The following STAB2 variants were observed in gnomAD, a reference collection of about 807,000 sequenced individuals.
STAB2 encodes the protein stabilin-2.
Under a neutral mutation model 338.1 loss-of-function variants are expected in STAB2, and 288 were observed. The ratio of observed to expected loss-of-function variants is 0.85; its 90% CI spans 0.77 to 0.94. The LOEUF is 0.94. Among genes scored for constraint, STAB2 ranks in the 40% least tolerant of loss-of-function variants. STAB2 has a pLI of 0.00. For missense variants in STAB2, 3,141 were observed against 3,210.1 expected (o/e 0.98, Z 0.52); for synonymous variants, 1,202 against 1,193.3 (o/e 1.01, Z -0.15).
intron 2 of STAB2, among the ~76,000 whole-genome samples, chr12:103,593,054 A>G (rs1389478139): frequency 6.6e-6 from 1 of 152,068 alleles, no homozygotes; most frequent in African/African-American, 2.4e-5. Context: ...CATTTTCTTT[A>G]TCCATTCATC....
At chr12:103,620,836 G>A (rs150133421) in intron 4 of STAB2, among the ~76,000 whole-genome samples, 6 of 152,294 alleles carry the variant, frequency 3.9e-5, no homozygotes, top group African/African-American at 9.6e-5. Flanking sequence ...AGTGGCTTAC[G>A]CCTGGAATCC....
chr12:103,636,567 GT>G (rs1344023569), intron 6 of STAB2, among the ~76,000 whole-genome samples: 1 of 152,076 alleles, frequency 6.6e-6, no homozygotes, highest in Admixed American at 6.6e-5. Flanking sequence ...GGGAATTGAG[GT>G]TTGGAAAAAC....
chr12:103,766,046 G>T, intron 68 of STAB2: 1 of 660,076 alleles, frequency 1.5e-6, no homozygotes, highest in Non-Finnish European at 2.8e-6. Flanking sequence ...AACTGCAGCC[G>T]AGTTGGGATG....
In STAB2 at chr12:103,590,931, T is replaced by G. The variant is rs1021384431; in HGVS notation, c.116T>G (p.Ile39Ser). Residue 39 changes from isoleucine to serine, a missense_variant, in exon 2 of 69, where the codon ATT (isoleucine) becomes AGT (serine). Ile to Ser is a moderately radical substitution (Grantham distance 142). Transcript: ENST00000388887. ...RRCDRKSLLT[I>S]RTECRSCALN... ...TGTGATAGGAAGTCTCTTCTTACAATTAGGACCGAGTGCCGATCCTGCGCT... is the reference window on the plus strand; with the variant it reads ...TGTGATAGGAAGTCTCTTCTTACAAGTAGGACCGAGTGCCGATCCTGCGCT... 2 of 1,614,012 alleles carry G rather than the reference T, an allele frequency of 1.2e-6. No individual in the cohort carries two copies. Among genetic ancestry groups the G allele is most frequent in the African/African-American group, 2.7e-5 (2 of 74,906 alleles).
At chr12:103,749,872 AGCTGGTAAGATGTGGCAGG>A (rs1883467809) in intron 59 of STAB2, among the ~76,000 whole-genome samples, 1 of 131,480 alleles carries the variant, frequency 7.6e-6, no homozygotes, top group African/African-American at 2.9e-5. Context: ...AAAAAAAAAA[AGCTGGTAAGATGTGGCAGG>A]AAAAGTGCCG....
At position 103,745,349 on chromosome 12, in the gene STAB2, G is replaced by C. The variant is rs540139272; in HGVS notation, c.6136+72G>C. On this transcript the variant is annotated intron_variant, in intron 57 of 68. Transcript: ENST00000388887. Reference sequence around the variant, plus strand: ...GACACTGCCAAGAGCATACAAGTGAGGTTGGGAGTCTGAGTGACATCTGAA... The same window carrying C: ...GACACTGCCAAGAGCATACAAGTGACGTTGGGAGTCTGAGTGACATCTGAA... 4 of 1,381,086 alleles carry C rather than the reference G, an allele frequency of 2.9e-6. No individual in the cohort carries two copies. In the African/African-American group the frequency reaches 4.3e-5, roughly 15 times the overall value. 85.6% of individuals were successfully genotyped at this position (1,381,086 alleles called of 1,614,324 possible).
chr12:103,740,826 G>T, intron 55 of STAB2, 70 bp downstream of exon 55: 1 of 1,488,128 alleles, frequency 6.7e-7, no homozygotes. Flanking sequence ...TCCAGTCTTT[G>T]AATGTACCAA....
intron 68 of STAB2, chr12:103,763,859 C>A: frequency 2.8e-6 from 1 of 357,354 alleles, no homozygotes; most frequent in South Asian, 7.8e-5. Flanking sequence ...AGGTTGTTAT[C>A]CAAGCCCAAT....
chr12:103,718,527 T>C (rs1006032881), intron 44 of STAB2, among the ~76,000 whole-genome samples: 3 of 152,184 alleles, frequency 2.0e-5, no homozygotes, highest in Non-Finnish European at 4.4e-5. Context: ...GGAATTGGGA[T>C]GTAGGGTGGA....
rs1407314440 is a variant in STAB2 at position 103,594,313 on chromosome 12, A to G, written c.216-82A>G. On this transcript the variant is annotated intron_variant, in intron 2 of 68. Coordinates refer to ENST00000388887, the MANE Select transcript of STAB2 (RefSeq NM_017564.10). Reference sequence around the variant, plus strand: ...ACTGTAGATAAATATTAAGACCTAAATTGAAAGCTAAGGCAATTCTACCAC... The same window carrying G: ...ACTGTAGATAAATATTAAGACCTAAGTTGAAAGCTAAGGCAATTCTACCAC... 3.8e-6 allele frequency: 4 copies of G among 1,051,144 alleles called. No homozygotes were observed. In the African/African-American group the frequency reaches 6.2e-5, roughly 16 times the overall value. The allele number at this position is 1,051,144 out of a possible 1,614,324, so 65.1% of individuals were successfully genotyped here. A position where few individuals can be genotyped will look rare whatever the true frequency, so the allele number is the denominator to read the frequency against.
intron 57 of STAB2, among the ~76,000 whole-genome samples, chr12:103,745,616 G>A (rs1196415978): frequency 6.6e-6 from 1 of 152,096 alleles, no homozygotes; most frequent in Admixed American, 6.5e-5. Context: ...GAGGCTGAGT[G>A]GTTTCATGGA....
chr12:103,608,851 A>C (rs1957075791), intron 3 of STAB2, among the ~76,000 whole-genome samples: 1 of 152,202 alleles, frequency 6.6e-6, no homozygotes, highest in Non-Finnish European at 1.5e-5. Flanking sequence ...TCCATCTTGA[A>C]TTAATTTTTC....
intron 24 of STAB2, 59 bp downstream of exon 24, chr12:103,676,080 G>C: frequency 2.3e-6 from 1 of 434,328 alleles, no homozygotes; most frequent in Non-Finnish European, 3.0e-6. Context: ...TTTTTTTTTT[G>C]AGACAGAGTC....
chr12:103,620,409 C>A, intron 3 of STAB2, 59 bp from the exon 4 acceptor site: 1 of 1,477,006 alleles, frequency 6.8e-7, no homozygotes, highest in South Asian at 1.2e-5. Flanking sequence ...TAAGCGCATC[C>A]TTGCAGAATG....
At chr12:103,755,825 C>T (rs1884063507) in intron 63 of STAB2, 107 bp downstream of exon 63, 2 of 1,055,700 alleles carry the variant, frequency 1.9e-6, no homozygotes, top group Non-Finnish European at 1.4e-6. Context: ...CAGTTAAGAG[C>T]ATGGGTGCTG....
At chr12:103,678,135 G>A (rs568689278) in intron 25 of STAB2, among the ~76,000 whole-genome samples, 1 of 152,316 alleles carries the variant, frequency 6.6e-6, no homozygotes, top group South Asian at 2.1e-4. Context: ...GGACCAACAG[G>A]TGTGTTTATA....
intron 6 of STAB2, among the ~76,000 whole-genome samples, chr12:103,632,414 G>A (rs1229690970): frequency 6.6e-6 from 1 of 152,196 alleles, no homozygotes; most frequent in East Asian, 1.9e-4. Flanking sequence ...AGAGGGTGTG[G>A]TGGGTGGCCG....
At chr12:103,735,931 C>T (rs571906072) in intron 52 of STAB2, among the ~76,000 whole-genome samples, 2 of 152,248 alleles carry the variant, frequency 1.3e-5, no homozygotes, top group African/African-American at 4.8e-5. Context: ...CCTTCCCAGC[C>T]CCACCACTGT....
intron 9 of STAB2, among the ~76,000 whole-genome samples, chr12:103,647,373 A>G (rs1304711122): frequency 6.6e-6 from 1 of 152,194 alleles, no homozygotes. Context: ...GCTTTCCTCA[A>G]TGTGAGTCAC....
Sources: allele counts gnomAD v4.1 joint callset (sites outside exome capture counted in the v4.1 genomes callset), GRCh38; gene constraint gnomAD v4.1.1; transcripts MANE v1.5; gene names NCBI Gene and HGNC (gene_info 2026-07-23, HGNC 2026-07-21).